SLC9A9: variants seen among roughly 807,000 people sequenced by gnomAD.
SLC9A9 encodes sodium/hydrogen exchanger 9.
SLC9A9 carries 62 observed loss-of-function variants against 77.8 expected under a neutral mutation model. That is an observed-to-expected ratio of 0.80 (90% CI 0.65 to 0.98). The LOEUF is 0.98. Ranked by LOEUF, SLC9A9 falls within the 50% of genes least tolerant of loss-of-function variation. SLC9A9 has a pLI of 0.00. For synonymous variants in SLC9A9, 320 were observed against 283.5 expected, an observed-to-expected ratio of 1.13 and a Z score of -1.29; for missense variants, 775 against 774.9, an observed-to-expected ratio of 1.00 and a Z score of 0.00.
At chr3:143,432,872 C>T (rs969786265) in intron 12 of SLC9A9, among the ~76,000 whole-genome samples, 1 of 152,206 alleles carries the variant, frequency 6.6e-6, no homozygotes, top group South Asian at 2.1e-4. Context: ...ATGATCCCCC[C>T]ACCTTGGCCT....
intron 6 of SLC9A9, among the ~76,000 whole-genome samples, chr3:143,592,077 A>C (rs955513415): frequency 3.3e-5 from 5 of 152,238 alleles, no homozygotes; most frequent in African/African-American, 1.2e-4. Flanking sequence ...TATGTGGTCC[A>C]TGACCCCCCA....
chr3:143,550,351 C>A (rs1353838629), intron 9 of SLC9A9, among the ~76,000 whole-genome samples: 1 of 152,188 alleles, frequency 6.6e-6, no homozygotes, highest in African/African-American at 2.4e-5. Flanking sequence ...TAGATTGCAT[C>A]ATTCAGTCCA....
At chr3:143,780,539 C>A (rs943001398) in intron 4 of SLC9A9, among the ~76,000 whole-genome samples, 4 of 152,134 alleles carry the variant, frequency 2.6e-5, no homozygotes, top group Non-Finnish European at 5.9e-5. Flanking sequence ...GAAAAACAAA[C>A]CTCAAGAGGG....
chr3:143,420,209 T>G (rs1383455739), intron 12 of SLC9A9, among the ~76,000 whole-genome samples: 7 of 152,138 alleles, frequency 4.6e-5, no homozygotes, highest in Admixed American at 3.9e-4. Flanking sequence ...GAGAAGACAT[T>G]TAAGCTTTCT....
chr3:143,676,492 A>T (rs554958432), intron 5 of SLC9A9, among the ~76,000 whole-genome samples: 78 of 152,230 alleles, frequency 5.1e-4, no homozygotes, highest in African/African-American at 1.7e-3. Flanking sequence ...TAATCCCAGT[A>T]ATTTGGGAGG....
chr3:143,353,269 G>C (rs1311319543), intron 14 of SLC9A9, among the ~76,000 whole-genome samples: 1 of 152,214 alleles, frequency 6.6e-6, no homozygotes, highest in African/African-American at 2.4e-5. Context: ...GCTGTGGTCT[G>C]AATGTTTGTG....
At chr3:143,706,669 C>T (rs985529481) in intron 4 of SLC9A9, among the ~76,000 whole-genome samples, 1 of 152,194 alleles carries the variant, frequency 6.6e-6, no homozygotes, top group Non-Finnish European at 1.5e-5. Context: ...TTAATCCTCT[C>T]TCCTCTGTAA....
At chr3:143,300,045 G>A (rs968271521) in intron 14 of SLC9A9, among the ~76,000 whole-genome samples, 13 of 152,226 alleles carry the variant, frequency 8.5e-5, no homozygotes, top group African/African-American at 2.9e-4. Context: ...TGTGAGGGCT[G>A]AGGGGAACAA....
At position 143,843,706 on chromosome 3, in the gene SLC9A9, T is replaced by C. The variant is rs113947656; in HGVS notation, c.175+4442A>G. On this transcript the variant is annotated intron_variant, in intron 1 of 15. Transcript: ENST00000316549. ...AGGATTATAAATGTCCTGTAAAGTA[T>C]GGCAGCCCCCAGTGATATATAATGG... Among the ~76,000 whole-genome samples, 566 of 152,300 alleles carry C rather than the reference T, an allele frequency of 3.7e-3. 5 individuals are homozygous for C. The highest frequency in any genetic ancestry group is 0.013 in the African/African-American group (544 of 41,558).
At chr3:143,552,195 G>C (rs544811267) in intron 9 of SLC9A9, among the ~76,000 whole-genome samples, 167 bp downstream of exon 9, 1 of 152,136 alleles carries the variant, frequency 6.6e-6, no homozygotes, top group Admixed American at 6.5e-5. Context: ...AATTGTTAAT[G>C]GTTATCCTGG....
At chr3:143,672,831 T>TA (rs1447643895) in intron 5 of SLC9A9, among the ~76,000 whole-genome samples, 6 of 152,344 alleles carry the variant, frequency 3.9e-5, no homozygotes, top group African/African-American at 1.2e-4. Context: ...CCCCAACCTT[T>TA]AAAAAATATG....
chr3:143,429,111 C>A (rs143670608), intron 12 of SLC9A9, among the ~76,000 whole-genome samples: 1 of 152,084 alleles, frequency 6.6e-6, no homozygotes, highest in African/African-American at 2.4e-5. Flanking sequence ...GATTTGATCA[C>A]GATACTATGT....
Position 143,495,466 on chromosome 3 carries a change from A to T in SLC9A9, c.1090-18T>A. 1 of 1,568,870 alleles carries T rather than the reference A, an allele frequency of 6.4e-7. No individual in the cohort carries two copies. The highest frequency in any genetic ancestry group is 1.1e-5 in the South Asian group (1 of 90,172). The stretch of plus-strand genomic sequence containing the variant: ...TCAAACAACTGAAACAAAACATAAA[A>T]CAAAAAACCATTAATTATAACTCAG... On this transcript the variant is annotated intron_variant, in intron 9 of 15. Coordinates refer to ENST00000316549, the MANE Select transcript of SLC9A9 (RefSeq NM_173653.4).
At chr3:143,594,509 A>C (rs1190175053) in intron 6 of SLC9A9, among the ~76,000 whole-genome samples, 1 of 152,194 alleles carries the variant, frequency 6.6e-6, no homozygotes, top group Non-Finnish European at 1.5e-5. Context: ...TCACGTGGTG[A>C]GCAAGTGGTA....
At chr3:143,361,362 A>G (rs2032748481) in intron 14 of SLC9A9, among the ~76,000 whole-genome samples, 1 of 152,144 alleles carries the variant, frequency 6.6e-6, no homozygotes, top group South Asian at 2.1e-4. Context: ...CAGCAACCTG[A>G]TCTCAGGATG....
Position 143,781,098 on chromosome 3 carries a change from C to T in SLC9A9, c.533+13903G>A, listed in dbSNP as rs189154023. Among the ~76,000 whole-genome samples the T allele has an allele frequency of 7.7e-4, 117 of 152,224 alleles. 1 individual carries two copies. In the East Asian group the frequency reaches 0.018, roughly 24 times the overall value. ...ATTAATTAGTGTGGTACATGTGTTA[C>T]AATTTATAAGCCAATATTGGTACAT... On this transcript the variant is annotated intron_variant, in intron 4 of 15. Coordinates refer to ENST00000316549, the MANE Select transcript of SLC9A9 (RefSeq NM_173653.4).
At chr3:143,339,341 T>C (rs564329403) in intron 14 of SLC9A9, among the ~76,000 whole-genome samples, 1 of 152,252 alleles carries the variant, frequency 6.6e-6, no homozygotes, top group South Asian at 2.1e-4. Context: ...CTTTCATAAT[T>C]AATTGCAATT....
chr3:143,330,582 G>A (rs918497421), intron 14 of SLC9A9, among the ~76,000 whole-genome samples: 1 of 152,114 alleles, frequency 6.6e-6, no homozygotes, highest in Non-Finnish European at 1.5e-5. Flanking sequence ...GAATTTTCCT[G>A]GGTGTCAAAC....
intron 14 of SLC9A9, among the ~76,000 whole-genome samples, chr3:143,351,910 G>A (rs1808882): frequency 0.19 from 28,485 of 151,956 alleles, 2,851 homozygotes; most frequent in Middle Eastern, 0.26. Context: ...GATCAGAGAA[G>A]GCCTGAGGAC....
Sources: allele counts gnomAD v4.1 joint callset (sites outside exome capture counted in the v4.1 genomes callset), GRCh38; gene constraint gnomAD v4.1.1; transcripts MANE v1.5; gene names NCBI Gene and HGNC (gene_info 2026-07-23, HGNC 2026-07-21).